Variants in ETV6 observed in about 807,000 individuals in gnomAD.
ETV6 encodes transcription factor ETV6.
ETV6 carries 16 observed loss-of-function variants against 51.1 expected under a neutral mutation model. That is an observed-to-expected ratio of 0.31 (90% CI 0.21 to 0.48). The LOEUF (loss-of-function observed/expected upper bound fraction) is 0.48, where lower values mean the gene tolerates loss of function less well. Ranked by LOEUF, ETV6 falls within the 20% of genes least tolerant of loss-of-function variation. The pLI is 0.99. For synonymous variants in ETV6, 240 were observed against 224.1 expected (o/e 1.07, Z -0.64); for missense variants, 458 against 594.8 (o/e 0.77, Z 2.39).
At chr12:11,880,979 C>T (rs949684484) in intron 5 of ETV6, among the ~76,000 whole-genome samples, 2 of 152,142 alleles carry the variant, frequency 1.3e-5, no homozygotes, top group African/African-American at 2.4e-5. Context: ...CACTCTATCG[C>T]CCAGGCTGAG....
chr12:11,658,595 G>A (rs1300384359), intron 1 of ETV6, among the ~76,000 whole-genome samples: 1 of 152,198 alleles, frequency 6.6e-6, no homozygotes, highest in East Asian at 1.9e-4. Context: ...GGTGCCATCT[G>A]AACTAAAATC....
At position 11,869,126 on chromosome 12, in the gene ETV6, C is replaced by T. The variant is rs913741916; in HGVS notation, c.464-298C>T. 2.0e-5 allele frequency among the ~76,000 whole-genome samples: 3 copies of T among 151,908 alleles called. No homozygotes were observed. Among genetic ancestry groups the T allele is most frequent in the Admixed American group, 1.3e-4 (2 of 15,268 alleles). ...TGGTGGGCGCCTGTAGTCCCAGCTA[C>T]TCGGGAGGCTGAGGCCGGAGAATGG... is the stretch of plus-strand genomic sequence containing the variant. On this transcript the variant is annotated intron_variant, in intron 4 of 7. Transcript: ENST00000396373. This position sits in a 1 kb window ranked among gnomAD's most constrained non-coding sequence, Gnocchi z 5.0.
intron 7 of ETV6, among the ~76,000 whole-genome samples, chr12:11,889,104 GA>G (rs1947249533): frequency 6.6e-6 from 1 of 152,138 alleles, no homozygotes; most frequent in African/African-American, 2.4e-5. Context: ...GTCAAAAGAA[GA>G]AAGGGGTGGT....
At chr12:11,758,831 A>T (rs1945041593) in intron 2 of ETV6, among the ~76,000 whole-genome samples, 2 of 152,218 alleles carry the variant, frequency 1.3e-5, no homozygotes, top group South Asian at 4.1e-4. Flanking sequence ...AGCAGTAATG[A>T]CTTCTAACAA....
chr12:11,826,980 T>G (rs1364974890), intron 2 of ETV6, among the ~76,000 whole-genome samples: 1 of 151,846 alleles, frequency 6.6e-6, no homozygotes, highest in Non-Finnish European at 1.5e-5. Context: ...GCTTTTTTAT[T>G]GATAGGTCTA....
chr12:11,669,133 G>C (rs902032728), intron 1 of ETV6, among the ~76,000 whole-genome samples: 1 of 152,032 alleles, frequency 6.6e-6, no homozygotes, highest in African/African-American at 2.4e-5. Context: ...CCCCTTCCCG[G>C]GCTTTACACC....
intron 2 of ETV6, among the ~76,000 whole-genome samples, chr12:11,806,884 C>G (rs1945837265): frequency 6.6e-6 from 1 of 152,188 alleles, no homozygotes; most frequent in African/African-American, 2.4e-5. Flanking sequence ...ACCCTTTGAG[C>G]CTGGAAATCA....
intron 1 of ETV6, among the ~76,000 whole-genome samples, chr12:11,667,696 A>ATTTTTTTT (rs34458275): frequency 4.1e-5 from 3 of 72,994 alleles, no homozygotes; most frequent in Non-Finnish European, 7.7e-5. Flanking sequence ...TACCTGGCTA[A>ATTTTTTTT]TTTTTTTTTT....
chr12:11,834,729 A>AG (rs1818509060), intron 2 of ETV6, among the ~76,000 whole-genome samples: 1 of 152,258 alleles, frequency 6.6e-6, no homozygotes, highest in Non-Finnish European at 1.5e-5. Context: ...ACAAAATCTC[A>AG]GGGTCATGGC....
At chr12:11,821,811 A>G (rs1048996480) in intron 2 of ETV6, among the ~76,000 whole-genome samples, 1 of 152,032 alleles carries the variant, frequency 6.6e-6, no homozygotes, top group South Asian at 2.1e-4. Context: ...CCATACAACA[A>G]CTCTGTTGTC....
intron 1 of ETV6, among the ~76,000 whole-genome samples, chr12:11,743,970 A>G (rs1173117555): frequency 6.6e-6 from 1 of 152,196 alleles, no homozygotes; most frequent in Non-Finnish European, 1.5e-5. Flanking sequence ...TTAATAGTTA[A>G]GGCTCAGGTT....
At chr12:11,745,350 C>T (rs775958035) in intron 1 of ETV6, among the ~76,000 whole-genome samples, 4 of 152,222 alleles carry the variant, frequency 2.6e-5, no homozygotes, top group South Asian at 2.1e-4. Context: ...AACAGTAAAT[C>T]GCCCATTTAT....
chr12:11,751,942 C>A, intron 1 of ETV6: 1 of 406,122 alleles, frequency 2.5e-6, no homozygotes. Flanking sequence ...AGTTCTAAAT[C>A]TAGAACTTAT....
At chr12:11,847,509 A>G (rs558492105) in intron 3 of ETV6, among the ~76,000 whole-genome samples, 101 of 152,238 alleles carry the variant, frequency 6.6e-4, no homozygotes, top group Non-Finnish European at 1.2e-4. Flanking sequence ...GGGCTGGAGA[A>G]GGAGGAAGAG....
chr12:11,667,354 C>G (rs1864213770), intron 1 of ETV6, among the ~76,000 whole-genome samples: 1 of 152,194 alleles, frequency 6.6e-6, no homozygotes, highest in Non-Finnish European at 1.5e-5. Flanking sequence ...TCCCCTTCTA[C>G]TTCCCCTCCC....
In ETV6 at chr12:11,705,794, CCCACTCAAACCCTCTGG is replaced by C. The variant is rs1470876071; in HGVS notation, c.34-46651_34-46635del. ...TGAGACAACCCTAAGCCCCTGTCTGCCCACTCAAACCCTCTGGCCACCACTGTACTCTCTCCACCATG... is the reference window on the plus strand; with the variant it reads ...TGAGACAACCCTAAGCCCCTGTCTGCCCACCACTGTACTCTCTCCACCATG... On this transcript the variant is annotated intron_variant, in intron 1 of 7. Coordinates refer to ENST00000396373, the MANE Select transcript of ETV6 (RefSeq NM_001987.5). 1.1e-4 allele frequency among the ~76,000 whole-genome samples: 16 copies of C among 152,338 alleles called. No homozygotes were observed. In the East Asian group the frequency reaches 3.1e-3, roughly 29 times the overall value.
chr12:11,765,789 T>G (rs1345044841), intron 2 of ETV6, among the ~76,000 whole-genome samples: 1 of 152,156 alleles, frequency 6.6e-6, no homozygotes, highest in African/African-American at 2.4e-5. Flanking sequence ...AACTATAATT[T>G]GTCATTTTAT....
intron 5 of ETV6, among the ~76,000 whole-genome samples, chr12:11,870,628 G>A (rs1946867806): frequency 6.6e-6 from 1 of 152,192 alleles, no homozygotes; most frequent in Admixed American, 6.5e-5. Context: ...TTCTTCAGAA[G>A]CTTAATCCTC....
intron 1 of ETV6, among the ~76,000 whole-genome samples, chr12:11,684,185 T>C (rs1864585590): frequency 6.6e-6 from 1 of 152,240 alleles, no homozygotes; most frequent in Non-Finnish European, 1.5e-5. Flanking sequence ...TACATGCAGT[T>C]CTTTCAATAA....
Sources: allele counts gnomAD v4.1 joint callset (sites outside exome capture counted in the v4.1 genomes callset), GRCh38; gene constraint gnomAD v4.1.1; non-coding constraint Gnocchi (gnomAD v3.1); transcripts MANE v1.5; gene names NCBI Gene and HGNC (gene_info 2026-07-23, HGNC 2026-07-21).